Variants in MALRD1 observed in about 807,000 individuals in gnomAD.
The protein encoded by MALRD1 is MAM and LDL receptor class A domain containing 1, also known as MAM and LDL-receptor class A domain-containing protein 1.
In MALRD1, 247 loss-of-function variants were observed where a neutral mutation model predicts 242.1. That is an observed-to-expected ratio of 1.02 (90% CI 0.92 to 1.13). MALRD1 has a LOEUF of 1.13. Ranked by LOEUF, MALRD1 falls within the 50% of genes most tolerant of loss-of-function variation. MALRD1 has a pLI of 0.00. For synonymous variants in MALRD1, 995 were observed against 866.6 expected, an observed-to-expected ratio of 1.15 and a Z score of -2.60; for missense variants, 2,989 against 2,533.1, an observed-to-expected ratio of 1.18 and a Z score of -3.86.
intron 18 of MALRD1, among the ~76,000 whole-genome samples, chr10:19,252,917 A>T (rs1839357755): frequency 6.6e-6 from 1 of 151,990 alleles, no homozygotes; most frequent in Non-Finnish European, 1.5e-5. Context: ...AAACCCTTTT[A>T]TATTGTATCC....
At chr10:19,413,849 G>T (rs1040301858) in intron 28 of MALRD1, among the ~76,000 whole-genome samples, 2 of 151,784 alleles carry the variant, frequency 1.3e-5, no homozygotes, top group Admixed American at 6.6e-5. Context: ...CACTTGGGGG[G>T]CTGAGGCTGG....
intron 26 of MALRD1, among the ~76,000 whole-genome samples, chr10:19,384,875 C>G (rs1013397812): frequency 1.2e-4 from 18 of 150,742 alleles, no homozygotes; most frequent in African/African-American, 4.4e-4. Flanking sequence ...AAATTTTTTA[C>G]TGTTGAGTGT....
chr10:19,611,115 T>C (rs763871030), intron 35 of MALRD1, among the ~76,000 whole-genome samples: 2 of 152,002 alleles, frequency 1.3e-5, no homozygotes, highest in Non-Finnish European at 2.9e-5. Context: ...TTCACTAGTA[T>C]AAAAATTCTA....
chr10:19,610,954 G>A (rs1838867952), intron 35 of MALRD1, among the ~76,000 whole-genome samples: 3 of 151,868 alleles, frequency 2.0e-5, no homozygotes, highest in Admixed American at 2.0e-4. Flanking sequence ...GATGGTGATG[G>A]TAATTATAAC....
chr10:19,510,553 A>C (rs1296231377), intron 31 of MALRD1, among the ~76,000 whole-genome samples: 2 of 152,244 alleles, frequency 1.3e-5, no homozygotes, highest in African/African-American at 4.8e-5. Flanking sequence ...CATTTGTTTA[A>C]CAAAGCACAT....
intron 26 of MALRD1, among the ~76,000 whole-genome samples, chr10:19,360,938 A>T (rs1365360690): frequency 6.6e-6 from 1 of 152,070 alleles, no homozygotes; most frequent in Non-Finnish European, 1.5e-5. Flanking sequence ...ATTCTTTCAT[A>T]TAGCTTTACT....
At chr10:19,270,271 C>A (rs1215313233) in intron 19 of MALRD1, among the ~76,000 whole-genome samples, 8 of 151,642 alleles carry the variant, frequency 5.3e-5, no homozygotes, top group Admixed American at 5.3e-4. Flanking sequence ...TTTGAGATCG[C>A]GCCACTGCAC....
chr10:19,431,354 G>C (rs897447807), intron 28 of MALRD1, among the ~76,000 whole-genome samples: 4 of 151,996 alleles, frequency 2.6e-5, no homozygotes, highest in African/African-American at 9.7e-5. Context: ...TATAGTTTGA[G>C]AGTAAAAGTT....
At chr10:19,523,043 A>G (rs929584504) in intron 31 of MALRD1, among the ~76,000 whole-genome samples, 1 of 152,164 alleles carries the variant, frequency 6.6e-6, no homozygotes, top group South Asian at 2.1e-4. Flanking sequence ...GAGTAGCACT[A>G]ATTTGCAACT....
chr10:19,150,054 G>A (rs1833885461), intron 11 of MALRD1, among the ~76,000 whole-genome samples: 3 of 152,190 alleles, frequency 2.0e-5, no homozygotes, highest in Admixed American at 2.0e-4. Flanking sequence ...GGTCCATTGT[G>A]TGGATGAGCC....
intron 35 of MALRD1, among the ~76,000 whole-genome samples, chr10:19,612,930 A>G (rs1439599223): frequency 2.0e-5 from 3 of 152,060 alleles, no homozygotes; most frequent in Admixed American, 6.6e-5. Flanking sequence ...AGATTTGGAT[A>G]GGGACACAGA....
intron 36 of MALRD1, among the ~76,000 whole-genome samples, chr10:19,668,591 A>T (rs1443257856): frequency 6.6e-6 from 1 of 152,232 alleles, no homozygotes; most frequent in Non-Finnish European, 1.5e-5. Context: ...AACAGAAGTG[A>T]CATAGAGAGC....
chr10:19,612,251 T>G (rs1394483026), intron 35 of MALRD1, among the ~76,000 whole-genome samples: 1 of 151,950 alleles, frequency 6.6e-6, no homozygotes, highest in African/African-American at 2.4e-5. Context: ...AAATTCCTTA[T>G]TTGTAAAGGA....
rs185452907 is a variant in MALRD1, at chr10:19,591,369, G to C, written c.5681-3825G>C. ...CTTTATGGTTGATTCCAACACACTT[G>C]AAATTTGCGATCCTCCTATGATAAT... On this transcript the variant is annotated intron_variant, in intron 33 of 39. Coordinates refer to ENST00000454679, the MANE Select transcript of MALRD1 (RefSeq NM_001142308.3). Among the ~76,000 whole-genome samples, 4 of 152,300 alleles carry C rather than the reference G, an allele frequency of 2.6e-5. No homozygotes were observed. In the East Asian group the frequency reaches 7.7e-4, roughly 29 times the overall value.
chr10:19,245,890 G>A (rs908556666), intron 18 of MALRD1, among the ~76,000 whole-genome samples: 1 of 152,170 alleles, frequency 6.6e-6, no homozygotes, highest in Non-Finnish European at 1.5e-5. Context: ...AGTTGTAAAT[G>A]TGACAATTCA....
intron 36 of MALRD1, among the ~76,000 whole-genome samples, chr10:19,670,879 AT>A (rs538335690): frequency 0.061 from 8,177 of 134,060 alleles, 345 homozygotes; most frequent in African/African-American, 0.18. Flanking sequence ...CAAAACAATC[AT>A]TTTTTTTTTT....
At chr10:19,494,755 C>A (rs879647301) in intron 30 of MALRD1, among the ~76,000 whole-genome samples, 1 of 152,048 alleles carries the variant, frequency 6.6e-6, no homozygotes, top group Non-Finnish European at 1.5e-5. Context: ...TGAAAAAATT[C>A]TCTCAGAAAT....
At chr10:19,239,494 A>T (rs1157597101) in intron 18 of MALRD1, among the ~76,000 whole-genome samples, 1 of 152,116 alleles carries the variant, frequency 6.6e-6, no homozygotes, top group African/African-American at 2.4e-5. Context: ...AAAGCATTTT[A>T]GTTTGATGAA....
At chr10:19,731,388 T>A (rs1835290042) in intron 39 of MALRD1, among the ~76,000 whole-genome samples, 1 of 152,082 alleles carries the variant, frequency 6.6e-6, no homozygotes, top group Non-Finnish European at 1.5e-5. Flanking sequence ...TGACAAAACT[T>A]TTATATGTTT....
Sources: allele counts gnomAD v4.1 joint callset (sites outside exome capture counted in the v4.1 genomes callset), GRCh38; gene constraint gnomAD v4.1.1; transcripts MANE v1.5; gene names NCBI Gene and HGNC (gene_info 2026-07-23, HGNC 2026-07-21).